DOP1B: variants seen among roughly 807,000 people sequenced by gnomAD.
DOP1B encodes DOP1 leucine zipper like protein B.
Under a neutral mutation model 233.5 loss-of-function variants are expected in DOP1B, and 174 were observed. The ratio of observed to expected loss-of-function variants is 0.75; its 90% confidence interval spans 0.66 to 0.85. DOP1B has a LOEUF of 0.85. DOP1B is among the 40% of genes least tolerant of loss of function. The pLI is 0.00. For missense variants in DOP1B, 2,652 were observed against 2,846.6 expected (o/e 0.93, Z 1.56); for synonymous variants, 1,190 against 1,185.6 (o/e 1.00, Z -0.08).
At chr21:36,234,364 A>G (rs187842813) in intron 15 of DOP1B, among the ~76,000 whole-genome samples, 1 of 152,264 alleles carries the variant, frequency 6.6e-6, no homozygotes, top group African/African-American at 2.4e-5. Flanking sequence ...AAGAAGAAAG[A>G]ATTGAGATCA....
rs146572771 is a variant in DOP1B, at chr21:36,230,523, C to T, written c.1739C>T (p.Ser580Leu). The T allele has an allele frequency of 1.4e-4, 229 of 1,613,928 alleles. No individual in the cohort carries two copies. In the Middle Eastern group the frequency reaches 2.0e-3, roughly 14 times the overall value. The change falls in exon 14 of 37, where the codon TCG becomes TTG. Residue 580 changes from serine (S) to leucine (L), a missense_variant. Physicochemically the swap from Ser to Leu is moderately radical, Grantham distance 145 (BLOSUM62 -2). Around this residue, in one of 3 missense-constraint regions of DOP1B, gnomAD observed 2,617 missense variants for 2,794.3 expected, o/e 0.94. Coordinates refer to ENST00000691173, the MANE Select transcript of DOP1B (RefSeq NM_001320714.2). ...GTGATTCCCGGTGACGAAGATGCTTCGTTTCCCCCTCTGAAGTCTGAGGAC... is the reference window on the plus strand; with the variant it reads ...GTGATTCCCGGTGACGAAGATGCTTTGTTTCCCCCTCTGAAGTCTGAGGAC... ...KAVIPGDEDA[S>L]FPPLKSEDSG...
intron 2 of DOP1B, among the ~76,000 whole-genome samples, chr21:36,185,176 T>C (rs2835302): frequency 0.39 from 59,528 of 151,968 alleles, 11,679 homozygotes; most frequent in Admixed American, 0.43. Flanking sequence ...CCCGATACTA[T>C]GTTATTTTAT....
chr21:36,267,504 G>A (rs2067242808), intron 26 of DOP1B, among the ~76,000 whole-genome samples: 1 of 152,084 alleles, frequency 6.6e-6, no homozygotes, highest in East Asian at 1.9e-4. Context: ...GGCAACATAG[G>A]GAGACCCCAT....
At chr21:36,189,709 C>CAA (rs556052033) in intron 2 of DOP1B, among the ~76,000 whole-genome samples, 1 of 148,430 alleles carries the variant, frequency 6.7e-6, no homozygotes, top group African/African-American at 2.5e-5. Flanking sequence ...GACTCTGTCT[C>CAA]AAAAAAAAAT....
chr21:36,179,705 G>A (rs866788145), intron 2 of DOP1B, among the ~76,000 whole-genome samples: 2 of 152,122 alleles, frequency 1.3e-5, no homozygotes, highest in Non-Finnish European at 2.9e-5. Flanking sequence ...AAGGACAGGC[G>A]AACAGTTTAC....
At chr21:36,283,063 C>T (rs1265442105) in intron 32 of DOP1B, among the ~76,000 whole-genome samples, 23 of 145,508 alleles carry the variant, frequency 1.6e-4, no homozygotes, top group African/African-American at 5.1e-4. Context: ...GTTCAGGTGG[C>T]AAAGTTGACA....
Position 36,219,524 on chromosome 21 carries a change from C to T in DOP1B, c.1250+32C>T, listed in dbSNP as rs762957856. ...GTTTGGCCTTGAACCTCACGCATCT[C>T]TCTCCCTCCCCGGTACTGTGATTTT... On this transcript the variant is annotated intron_variant, in intron 10 of 36. Transcript: ENST00000691173. The T allele has an allele frequency of 3.7e-6, 6 of 1,609,360 alleles. No homozygotes were observed. In the Admixed American group the frequency reaches 5.0e-5, roughly 14 times the overall value.
At position 36,278,230 on chromosome 21, in the gene DOP1B, C is replaced by G; in HGVS notation, c.5844C>G (p.Phe1948Leu). The change falls in exon 30 of 37, where the codon TTC (phenylalanine) becomes TTG (leucine). Residue 1948 changes from phenylalanine to leucine, a missense_variant. Transcript: ENST00000691173. ...RNHSAYNAPS[F>L]RAGAQLLSSL... is the part of the protein sequence containing the mutation. ...TCAGTGCCTACAATGCTCCCAGCTT[C>G]CGGGCTGGCGCTCAGCTGCTGAGCT... The G allele has an allele frequency of 6.2e-7, 1 of 1,614,144 alleles. No homozygotes were observed. The highest frequency in any genetic ancestry group is 8.5e-7 in the Non-Finnish European group (1 of 1,180,016).
In DOP1B at chr21:36,287,997, C is replaced by G; in HGVS notation, c.6161-17C>G. 1 of 1,607,856 alleles carries G rather than the reference C, an allele frequency of 6.2e-7. No homozygotes were observed. Among genetic ancestry groups the G allele is most frequent in the Non-Finnish European group, 8.5e-7 (1 of 1,178,476 alleles). ...ACTGCATATTTGTGTAACATCTTTA[C>G]AATCTTCTTTCCTTAGAACGCCTGA... On this transcript the variant is annotated splice_polypyrimidine_tract_variant and intron_variant, in intron 32 of 36. Coordinates refer to ENST00000691173, the MANE Select transcript of DOP1B (RefSeq NM_001320714.2).
At position 36,278,005 on chromosome 21, in the gene DOP1B, C is replaced by T. The variant is rs778603259; in HGVS notation, c.5743C>T (p.Arg1915Ter). Residue 1915 changes from arginine (R) to a stop codon, truncating the protein, a stop_gained, in exon 29 of 37, where the codon CGA (arginine) becomes TGA (stop). Transcript: ENST00000691173. LOFTEE classifies it high-confidence loss of function. ...VLASLLDMVYRSDEKEKAVPL... is the reference protein window; with the variant it reads ...VLASLLDMVY ...GGCTTCCCTCCTGGACATGGTTTAT[C>T]GAAGTGATGAGAAGGAGAAAGCTGT... 9 of 1,613,942 alleles carry T rather than the reference C, an allele frequency of 5.6e-6. No homozygotes were observed. In the Admixed American group the frequency reaches 6.7e-5, roughly 12 times the overall value.
chr21:36,206,975 T>G (rs1185858047), intron 4 of DOP1B, among the ~76,000 whole-genome samples: 5 of 152,162 alleles, frequency 3.3e-5, no homozygotes, highest in African/African-American at 9.7e-5. Flanking sequence ...GAACAAAATG[T>G]ACTTTTAATA....
Position 36,248,476 on chromosome 21 carries a change from A to C in DOP1B, c.4906A>C (p.Asn1636His). 6.2e-7 allele frequency: 1 copy of C among 1,614,118 alleles called. No homozygotes were observed. Residue 1636 changes from asparagine (N) to histidine (H), a missense_variant, in exon 21 of 37, where the codon AAT (asparagine) becomes CAT (histidine). Around this residue, in one of 3 missense-constraint regions of DOP1B, gnomAD observed 2,617 missense variants for 2,794.3 expected, o/e 0.94. Transcript: ENST00000691173. Reference protein sequence around the residue: ...RTVNTMALLWNVLRKEETQKR... With the variant: ...RTVNTMALLWHVLRKEETQKR... Reference sequence around the variant, plus strand: ...TGTTAACACCATGGCCCTTCTCTGGAATGTTCTCAGAAAGGAGGAGACTCA... The same window carrying C: ...TGTTAACACCATGGCCCTTCTCTGGCATGTTCTCAGAAAGGAGGAGACTCA...
At chr21:36,169,963 A>C (rs977850923) in intron 2 of DOP1B, 25 of 766,500 alleles carry the variant, frequency 3.3e-5, no homozygotes, top group Non-Finnish European at 4.9e-5. Context: ...CATGGCCTCT[A>C]CCACCTCCTT....
intron 35 of DOP1B, 78 bp downstream of exon 35, chr21:36,289,284 T>C (rs2067527787): frequency 6.9e-7 from 1 of 1,455,152 alleles, no homozygotes. Flanking sequence ...CACTTGTTTT[T>C]CATGTACAGT....
intron 2 of DOP1B, among the ~76,000 whole-genome samples, chr21:36,186,773 G>A (rs1243358296): frequency 6.6e-6 from 1 of 152,150 alleles, no homozygotes; most frequent in Admixed American, 6.5e-5. Context: ...TTCAGTAAAA[G>A]GGGCTGAATG....
At position 36,166,921 on chromosome 21, in the gene DOP1B, G is replaced by A. The variant is rs564327089; in HGVS notation, c.138+2050G>A. On this transcript the variant is annotated intron_variant, in intron 2 of 36. Coordinates refer to ENST00000691173, the MANE Select transcript of DOP1B (RefSeq NM_001320714.2). ...CCTGTAAATGTCACGGCTCCGTGCT[G>A]GCTGGGGTGGATAAATGTTTCTAAG... Among the ~76,000 whole-genome samples the A allele has an allele frequency of 1.3e-5, 2 of 152,300 alleles. 1 individual carries two copies. The highest frequency in any genetic ancestry group is 4.1e-4 in the South Asian group (2 of 4,834).
At chr21:36,259,023 T>C (rs1296147648) in intron 23 of DOP1B, among the ~76,000 whole-genome samples, 1 of 146,228 alleles carries the variant, frequency 6.8e-6, no homozygotes, top group Non-Finnish European at 1.5e-5. Context: ...TCGCCCAGGC[T>C]GGCGCAATCT....
At chr21:36,269,425 G>GATA (rs1204193961) in intron 26 of DOP1B, among the ~76,000 whole-genome samples, 1 of 152,054 alleles carries the variant, frequency 6.6e-6, no homozygotes, top group Non-Finnish European at 1.5e-5. Flanking sequence ...AAAATGCTGA[G>GATA]ATTATAGGCA....
At chr21:36,251,764 A>G (rs1267244224) in intron 22 of DOP1B, among the ~76,000 whole-genome samples, 1 of 152,234 alleles carries the variant, frequency 6.6e-6, no homozygotes, top group East Asian at 1.9e-4. Context: ...GCTGTGTCTC[A>G]GTACAAGTAG....
Sources: gnomAD v4.1 joint callset for allele counts (sites outside exome capture counted in the v4.1 genomes callset) on GRCh38, gnomAD v4.1.1 for gene constraint, gnomAD v4.1.1 regional missense constraint, MANE v1.5 for transcripts, NCBI Gene and HGNC (gene_info 2026-07-23, HGNC 2026-07-21) for gene names.